MAP6: variants seen among roughly 807,000 people sequenced by gnomAD.
MAP6 encodes the protein microtubule-associated protein 6.
In MAP6, 26 loss-of-function variants were observed where a neutral mutation model predicts 42.4. The ratio of observed to expected loss-of-function variants is 0.61; its 90% CI spans 0.45 to 0.85. The LOEUF (loss-of-function observed/expected upper bound fraction) is 0.85. MAP6 is among the 40% of genes least tolerant of loss of function. The probability of loss-of-function intolerance (pLI) is 0.00; values close to 1 mark genes in which losing one functional copy is unlikely to be tolerated. For synonymous variants in MAP6, 418 were observed against 443.8 expected, an observed-to-expected ratio of 0.94 and a Z score of 0.73; for missense variants, 966 against 1,099.0, an observed-to-expected ratio of 0.88 and a Z score of 1.71.
intron 1 of MAP6, among the ~76,000 whole-genome samples, chr11:75,664,889 C>CAA (rs141966968): frequency 1.1e-3 from 157 of 145,496 alleles, no homozygotes; most frequent in African/African-American, 3.8e-3. Context: ...TATTCTGGAA[C>CAA]AAAAAAAAAA....
chr11:75,622,586 A>G (rs1943129111), intron 1 of MAP6, among the ~76,000 whole-genome samples: 2 of 152,258 alleles, frequency 1.3e-5, no homozygotes, highest in African/African-American at 4.8e-5. Flanking sequence ...CGAAGCAACT[A>G]ATATCAAAAT....
chr11:75,601,388 G>A (rs1428124514), intron 3 of MAP6, among the ~76,000 whole-genome samples: 2 of 152,072 alleles, frequency 1.3e-5, no homozygotes, highest in African/African-American at 4.8e-5. Flanking sequence ...TTATGTATTT[G>A]TTTTATTTCT....
intron 1 of MAP6, among the ~76,000 whole-genome samples, chr11:75,644,633 T>C (rs1943526043): frequency 6.6e-6 from 1 of 152,232 alleles, no homozygotes; most frequent in South Asian, 2.1e-4. Context: ...TCCACTACAA[T>C]AGACTATGAC....
intron 1 of MAP6, among the ~76,000 whole-genome samples, chr11:75,623,630 G>C (rs778222600): frequency 6.6e-6 from 1 of 152,124 alleles, no homozygotes; most frequent in African/African-American, 2.4e-5. Context: ...CCATCTCTGC[G>C]TCCCTGGTGC....
At chr11:75,610,108 C>T (rs938847913) in intron 1 of MAP6, among the ~76,000 whole-genome samples, 18 of 152,220 alleles carry the variant, frequency 1.2e-4, no homozygotes, top group Non-Finnish European at 2.6e-4. Flanking sequence ...CAGGACTCTG[C>T]AGGGTCCCCA....
At chr11:75,609,446 G>A (rs1431250432) in intron 1 of MAP6, among the ~76,000 whole-genome samples, 2 of 152,312 alleles carry the variant, frequency 1.3e-5, no homozygotes, top group South Asian at 4.1e-4. Context: ...GGCTCAGAGA[G>A]GAGTGCCAGG....
intron 3 of MAP6, among the ~76,000 whole-genome samples, chr11:75,588,999 G>A (rs1442486271): frequency 6.6e-6 from 1 of 152,080 alleles, no homozygotes; most frequent in Admixed American, 6.5e-5. Flanking sequence ...TCCATAGACA[G>A]TGCGCCCTGT....
chr11:75,624,541 C>T (rs897712448), intron 1 of MAP6, among the ~76,000 whole-genome samples: 39 of 152,156 alleles, frequency 2.6e-4, no homozygotes, highest in African/African-American at 9.4e-4. Flanking sequence ...CATCCAACTC[C>T]GTATCTCAAG....
At chr11:75,641,483 T>TA (rs35928248) in intron 1 of MAP6, among the ~76,000 whole-genome samples, 41,408 of 146,204 alleles carry the variant, frequency 0.28, 5,872 homozygotes, top group South Asian at 0.33. Context: ...TAAAGTATAA[T>TA]AAAAAAAAAA....
At chr11:75,607,771 G>A in intron 2 of MAP6, 1 of 623,694 alleles carries the variant, frequency 1.6e-6, no homozygotes, top group Non-Finnish European at 2.0e-6. Flanking sequence ...TGGGGCCCAA[G>A]CACATCTATT....
chr11:75,620,950 G>A (rs915233577), intron 1 of MAP6, among the ~76,000 whole-genome samples: 4 of 152,092 alleles, frequency 2.6e-5, no homozygotes, highest in African/African-American at 9.7e-5. Flanking sequence ...CTAACACGGT[G>A]AAACCCCGTC....
intron 1 of MAP6, among the ~76,000 whole-genome samples, chr11:75,652,836 GAA>G (rs560714756): frequency 3.0e-5 from 3 of 101,332 alleles, no homozygotes; most frequent in Non-Finnish European, 6.3e-5. Flanking sequence ...CTCCATCTCA[GAA>G]AAAAAAAAAA....
At chr11:75,597,945 C>A (rs1230740348) in intron 3 of MAP6, among the ~76,000 whole-genome samples, 4 of 152,186 alleles carry the variant, frequency 2.6e-5, no homozygotes, top group African/African-American at 9.7e-5. Flanking sequence ...CTGTGGTCAG[C>A]AAAACTACCC....
At chr11:75,603,856 G>A (rs1942709843) in intron 3 of MAP6, 1 of 985,394 alleles carries the variant, frequency 1.0e-6, no homozygotes, top group African/African-American at 1.7e-5. Flanking sequence ...ATTATTCTAT[G>A]GAGAAATCCA....
intron 1 of MAP6, among the ~76,000 whole-genome samples, chr11:75,620,967 A>G (rs1396059563): frequency 6.6e-6 from 1 of 151,826 alleles, no homozygotes; most frequent in Admixed American, 6.6e-5. Flanking sequence ...CGTCTCTACT[A>G]AAAAATACAA....
chr11:75,642,236 T>G, intron 1 of MAP6, among the ~76,000 whole-genome samples: 1 of 152,236 alleles, frequency 6.6e-6, no homozygotes, highest in East Asian at 1.9e-4. Context: ...AAATTTGCCA[T>G]AGTGGGCATA....
chr11:75,660,314 C>T (rs1259838899), intron 1 of MAP6, among the ~76,000 whole-genome samples: 1 of 152,166 alleles, frequency 6.6e-6, no homozygotes, highest in African/African-American at 2.4e-5. Context: ...ATTTACAGCC[C>T]AGGCCTCTCC....
chr11:75,610,627 T>C (rs993276189), intron 1 of MAP6, among the ~76,000 whole-genome samples: 1 of 152,052 alleles, frequency 6.6e-6, no homozygotes, highest in Non-Finnish European at 1.5e-5. Context: ...CAAGGATGAG[T>C]GTGGCCAGGT....
intron 1 of MAP6, among the ~76,000 whole-genome samples, chr11:75,652,566 G>A (rs1943665955): frequency 6.6e-6 from 1 of 152,142 alleles, no homozygotes; most frequent in Admixed American, 6.5e-5. Context: ...GGCCATGCAT[G>A]GTGGCTCATG....
Sources: allele counts gnomAD v4.1 joint callset (sites outside exome capture counted in the v4.1 genomes callset), GRCh38; gene constraint gnomAD v4.1.1; transcripts MANE v1.5; gene names NCBI Gene and HGNC (gene_info 2026-07-23, HGNC 2026-07-21).